The following EHMT1 variants were observed in gnomAD, a reference collection of about 807,000 sequenced individuals.
The protein encoded by EHMT1 is euchromatic histone lysine methyltransferase 1.
A neutral mutation model predicts 147.2 loss-of-function variants in EHMT1; 15 were observed. That is an observed-to-expected ratio of 0.10 (90% CI 0.07 to 0.16). The LOEUF (loss-of-function observed/expected upper bound fraction) is 0.16. EHMT1 is among the 10% of genes least tolerant of loss of function. The pLI is 1.00. For missense variants in EHMT1, 1,587 were observed against 1,772.4 expected (o/e 0.90, Z 1.88); for synonymous variants, 795 against 709.6 (o/e 1.12, Z -1.91).
At chr9:137,676,841 G>C (rs1288631229) in intron 1 of EHMT1, among the ~76,000 whole-genome samples, 2 of 152,132 alleles carry the variant, frequency 1.3e-5, no homozygotes, top group Admixed American at 6.5e-5. Flanking sequence ...GATTCCATCT[G>C]TGAGATGGGG....
chr9:137,806,681 C>T (rs1201540656), intron 18 of EHMT1, among the ~76,000 whole-genome samples: 1 of 152,234 alleles, frequency 6.6e-6, no homozygotes, highest in Non-Finnish European at 1.5e-5. Context: ...GATCCGCCCG[C>T]CTCGGACTCC....
chr9:137,808,280 A>C lies in EHMT1; in HGVS notation c.2713-3181A>C, dbSNP rs2137574094. Among the ~76,000 whole-genome samples the C allele has an allele frequency of 2.6e-5, 4 of 152,068 alleles. No homozygotes were observed. The South Asian group carries it at 8.3e-4, about 32-fold the overall frequency. The stretch of plus-strand genomic sequence containing the variant: ...CACAGATCTCTGGAACCTCTCTTGG[A>C]GCTCTGTTTTCTGTCTGAGCATCCG... On this transcript the variant is annotated intron_variant, in intron 18 of 26. Transcript: ENST00000460843.
At chr9:137,625,241 G>A (rs933880412) in intron 1 of EHMT1, among the ~76,000 whole-genome samples, 3 of 152,142 alleles carry the variant, frequency 2.0e-5, no homozygotes, top group Non-Finnish European at 2.9e-5. Flanking sequence ...CTTTAGGATC[G>A]TTGCATCCGT....
intron 18 of EHMT1, among the ~76,000 whole-genome samples, chr9:137,808,032 T>C (rs1444264009): frequency 6.6e-6 from 1 of 152,222 alleles, no homozygotes; most frequent in African/African-American, 2.4e-5. Context: ...TGGAACTCAG[T>C]CACTTGAAAG....
intron 1 of EHMT1, among the ~76,000 whole-genome samples, chr9:137,704,412 G>A (rs954524474): frequency 1.3e-5 from 2 of 152,210 alleles, no homozygotes; most frequent in Non-Finnish European, 2.9e-5. Context: ...CCTGGTTGTA[G>A]ATTGAGGATT....
Position 137,776,922 on chromosome 9 carries a change from T to G in EHMT1, c.2018+78T>G. The G allele has an allele frequency of 7.4e-7, 1 of 1,353,306 alleles. No homozygotes were observed. The allele number at this position is 1,353,306 out of a possible 1,614,324, so 83.8% of individuals were successfully genotyped here. On this transcript the variant is annotated intron_variant, in intron 12 of 26. Coordinates refer to ENST00000460843, the MANE Select transcript of EHMT1 (RefSeq NM_024757.5). This position sits in a 1 kb window ranked among gnomAD's most constrained non-coding sequence, Gnocchi z 4.4. Reference sequence around the variant, plus strand: ...TCAGTTGTTAACTCAACGTTATTGCTTCCTGCTGTTTTTTCCAGAAGTCTC... The same window carrying G: ...TCAGTTGTTAACTCAACGTTATTGCGTCCTGCTGTTTTTTCCAGAAGTCTC...
At chr9:137,781,423 GTGTGGTGATGACGCTGGGATA>G in intron 14 of EHMT1, among the ~76,000 whole-genome samples, 1 of 149,060 alleles carries the variant, frequency 6.7e-6, no homozygotes, top group Non-Finnish European at 1.5e-5. Context: ...ATGCTGAGAT[GTGTGGTGATGACGCTGGGATA>G]TGCGGTGATG....
At chr9:137,687,511 G>C (rs1326300329) in intron 1 of EHMT1, among the ~76,000 whole-genome samples, 8 of 152,138 alleles carry the variant, frequency 5.3e-5, no homozygotes, top group East Asian at 1.9e-4. Flanking sequence ...TTCAGGTAGA[G>C]TTTAGGTAGT....
Position 137,716,938 on chromosome 9 carries a change from A to T in EHMT1, c.398A>T (p.Gln133Leu). ...NGYILNKPAL[Q>L]AQPLRTTSTL... is the part of the protein sequence containing the mutation. ...TACATCTTAAATAAGCCGGCCCTACAGGCACAGCCCTTGAGGACTACCAGC... is the reference window on the plus strand; with the variant it reads ...TACATCTTAAATAAGCCGGCCCTACTGGCACAGCCCTTGAGGACTACCAGC... The change falls in exon 3 of 27, where the codon CAG becomes CTG. Residue 133 changes from glutamine to leucine, a missense_variant. By Grantham distance (113) the Gln-to-Leu change is moderately radical. Around this residue, in one of 7 missense-constraint regions of EHMT1, gnomAD observed 810 missense variants for 673.0 expected, o/e 1.20. Coordinates refer to ENST00000460843, the MANE Select transcript of EHMT1 (RefSeq NM_024757.5). The T allele has an allele frequency of 5.0e-6, 8 of 1,612,942 alleles. No individual in the cohort carries two copies. The highest frequency in any genetic ancestry group is 6.8e-6 in the Non-Finnish European group (8 of 1,179,842).
chr9:137,680,285 C>T (rs1331818928), intron 1 of EHMT1, among the ~76,000 whole-genome samples: 1 of 151,838 alleles, frequency 6.6e-6, no homozygotes, highest in Non-Finnish European at 1.5e-5. Context: ...ACCAGCCTGG[C>T]TAACATGGAG....
At chr9:137,727,845 C>G (rs1221820025) in intron 3 of EHMT1, among the ~76,000 whole-genome samples, 1 of 152,248 alleles carries the variant, frequency 6.6e-6, no homozygotes, top group African/African-American at 2.4e-5. Flanking sequence ...TAACACACAA[C>G]ATAGTTACCT....
intron 1 of EHMT1, among the ~76,000 whole-genome samples, chr9:137,635,780 A>C (rs1389477370): frequency 2.0e-5 from 3 of 151,432 alleles, no homozygotes; most frequent in African/African-American, 7.3e-5. Flanking sequence ...AGATGGTGCC[A>C]CTGCTCTCCA....
intron 6 of EHMT1, among the ~76,000 whole-genome samples, chr9:137,748,411 G>A (rs1019033681): frequency 2.0e-5 from 3 of 152,236 alleles, no homozygotes; most frequent in Non-Finnish European, 4.4e-5. Context: ...CCGTCCCACT[G>A]TGGATGGCCT....
rs1949207124 is a variant in EHMT1 at position 137,754,256 on chromosome 9, G to C, written c.1334G>C (p.Arg445Thr). ...TGGATCAAGCCAGCCAGGAAAAGGA[G>C]GCGGAGAAGTAGAAAGAAGCCCAGC... is the stretch of plus-strand genomic sequence containing the variant. ...SPWIKPARKR[R>T]RRSRKKPSGA... The change falls in exon 8 of 27, where the codon AGG becomes ACG. Residue 445 changes from arginine (R) to threonine (T), a missense_variant. This residue lies in a region of EHMT1 where 810 missense variants were observed against 673.0 expected (regional missense o/e 1.20). Coordinates refer to ENST00000460843, the MANE Select transcript of EHMT1 (RefSeq NM_024757.5). 6.2e-7 allele frequency: 1 copy of C among 1,614,042 alleles called. No homozygotes were observed.
chr9:137,808,325 C>T (rs1414114536), intron 18 of EHMT1, among the ~76,000 whole-genome samples: 1 of 152,190 alleles, frequency 6.6e-6, no homozygotes, highest in African/African-American at 2.4e-5. Context: ...CCTGCCTACC[C>T]CCTGCGCCAT....
intron 18 of EHMT1, among the ~76,000 whole-genome samples, chr9:137,810,482 C>T (rs573788718): frequency 6.6e-6 from 1 of 152,200 alleles, no homozygotes; most frequent in Non-Finnish European, 1.5e-5. Flanking sequence ...GATTTATATT[C>T]TTGGCTGCCT....
At chr9:137,632,308 G>A (rs551161111) in intron 1 of EHMT1, among the ~76,000 whole-genome samples, 2 of 152,336 alleles carry the variant, frequency 1.3e-5, no homozygotes, top group South Asian at 2.1e-4. Context: ...AGGGTTGGGG[G>A]AGGGTTGGGA....
intron 7 of EHMT1, among the ~76,000 whole-genome samples, chr9:137,753,439 G>T (rs1949133684): frequency 6.6e-6 from 1 of 152,230 alleles, no homozygotes; most frequent in African/African-American, 2.4e-5. Context: ...GGGGAGCCGG[G>T]GCTGTGTGTG....
At chr9:137,624,168 T>C (rs1338123084) in intron 1 of EHMT1, among the ~76,000 whole-genome samples, 2 of 151,520 alleles carry the variant, frequency 1.3e-5, no homozygotes, top group Admixed American at 1.3e-4. Flanking sequence ...GCCCAGATAA[T>C]TTTTTTGTAT....
Sources: gnomAD v4.1 joint callset for allele counts (sites outside exome capture counted in the v4.1 genomes callset) on GRCh38, gnomAD v4.1.1 for gene constraint, gnomAD v4.1.1 regional missense constraint, Gnocchi (gnomAD v3.1) non-coding constraint, MANE v1.5 for transcripts, NCBI Gene and HGNC (gene_info 2026-07-23, HGNC 2026-07-21) for gene names.